KCNAB3: variants seen among roughly 807,000 people sequenced by gnomAD.
KCNAB3 encodes voltage-gated potassium channel subunit beta-3.
KCNAB3 carries 62 observed loss-of-function variants against 67.7 expected under a neutral mutation model. The ratio of observed to expected loss-of-function variants is 0.92; its 90% CI spans 0.75 to 1.13. KCNAB3 has a LOEUF of 1.13. Ranked by LOEUF, KCNAB3 falls within the 50% of genes most tolerant of loss-of-function variation. KCNAB3 has a pLI of 0.00. For missense variants in KCNAB3, 514 were observed against 522.9 expected (o/e 0.98, Z 0.17); for synonymous variants, 212 against 205.4 (o/e 1.03, Z -0.27).
At chr17:7,923,226 T>C (rs1972102083) in intron 13 of KCNAB3, 47 bp from the exon 14 acceptor site, 1 of 1,559,912 alleles carries the variant, frequency 6.4e-7, no homozygotes, top group Admixed American at 1.7e-5. Context: ...GCTGGGTCAC[T>C]GAGAAAGGGC....
Position 7,929,178 on chromosome 17 carries a change from C to G in KCNAB3, c.242+16G>C, listed in dbSNP as rs981011355. The G allele has an allele frequency of 5.0e-6, 8 of 1,610,424 alleles. No individual in the cohort carries two copies. Among genetic ancestry groups the G allele is most frequent in the Non-Finnish European group, 5.9e-6 (7 of 1,179,092 alleles). On this transcript the variant is annotated intron_variant, in intron 1 of 13. Coordinates refer to ENST00000303790, the MANE Select transcript of KCNAB3 (RefSeq NM_004732.4). This position sits in a 1 kb window ranked among gnomAD's most constrained non-coding sequence, Gnocchi z 5.7. The stretch of plus-strand genomic sequence containing the variant: ...AAGGAAAGCGGAAGGGGTGGGCTGC[C>G]CGGCCACCCCCATACCTGTATTTCA...
Position 7,929,832 on chromosome 17 carries a change from G to C in KCNAB3, c.-397C>G. On this transcript the variant is annotated 5_prime_UTR_variant, in exon 1 of 14. Coordinates refer to ENST00000303790, the MANE Select transcript of KCNAB3 (RefSeq NM_004732.4). The surrounding 1 kb of genome is among the most constrained non-coding windows in gnomAD (Gnocchi z 5.7). ...CGCTGCGGGACCCGCTGGGCTCCCA[G>C]CCGCGTCGGCAGCGGGCCCAGCTCA... is the stretch of plus-strand genomic sequence containing the variant. 4.9e-6 allele frequency: 5 copies of C among 1,025,682 alleles called. No individual in the cohort carries two copies. The highest frequency in any genetic ancestry group is 1.1e-4 in the Admixed American group (2 of 17,998). The allele number at this position is 1,025,682 out of a possible 1,614,324, so 63.5% of individuals were successfully genotyped here. A position where few individuals can be genotyped will look rare whatever the true frequency, so the allele number is the denominator to read the frequency against.
At position 7,929,017 on chromosome 17, in the gene KCNAB3, G is replaced by T; in HGVS notation, c.242+177C>A. On this transcript the variant is annotated intron_variant, in intron 1 of 13. Coordinates refer to ENST00000303790, the MANE Select transcript of KCNAB3 (RefSeq NM_004732.4). The surrounding 1 kb of genome is among the most constrained non-coding windows in gnomAD (Gnocchi z 5.7). ...GTAAACTTGATTCTCGTAGTCAGGG[G>T]TATCGACAGAAACCAAGAGAGGGAC... 1 of 988,766 alleles carries T rather than the reference G, an allele frequency of 1.0e-6. No individual in the cohort carries two copies. Among genetic ancestry groups the T allele is most frequent in the Non-Finnish European group, 1.5e-6 (1 of 684,576 alleles). The allele number at this position is 988,766 out of a possible 1,614,324, so 61.2% of individuals were successfully genotyped here.
intron 4 of KCNAB3, among the ~76,000 whole-genome samples, chr17:7,926,856 G>A (rs1972248171): frequency 6.6e-6 from 1 of 152,078 alleles, no homozygotes; most frequent in Non-Finnish European, 1.5e-5. Flanking sequence ...CATAAACCAC[G>A]AATTGCGTGT....
At position 7,925,717 on chromosome 17, in the gene KCNAB3, G is replaced by T; in HGVS notation, c.504C>A (p.Thr168=). Reference sequence around the variant, plus strand: ...TGTGCTTTCGGCTTAAACCTCGCTCGGTTTCTGCCCTGTAGGAAAAGGTAA... The same window carrying T: ...TGTGCTTTCGGCTTAAACCTCGCTCTGTTTCTGCCCTGTAGGAAAAGGTAA... ...TKIFWGGQAE[T]ERGLSRKHII... is the part of the protein sequence containing the mutation. The change falls in exon 7 of 14, where the codon ACC becomes ACA. Residue 168 remains threonine (T), a synonymous_variant. Transcript: ENST00000303790. The T allele has an allele frequency of 1.2e-6, 2 of 1,613,944 alleles. No homozygotes were observed. Among genetic ancestry groups the T allele is most frequent in the Non-Finnish European group, 1.7e-6 (2 of 1,179,994 alleles).
rs772370133 is a variant in KCNAB3 at position 7,926,041 on chromosome 17, C to T, written c.449+18G>A. The T allele has an allele frequency of 1.9e-6, 3 of 1,614,146 alleles. No homozygotes were observed. The East Asian group carries it at 6.7e-5, about 36-fold the overall frequency. On this transcript the variant is annotated intron_variant, in intron 5 of 13. Transcript: ENST00000303790. ...TTTGGGTGATCACATCCCCAGCAAC[C>T]CCCCAAAACAGTCTCACCTCCAACC...
At chr17:7,928,432 T>A (rs1972307352) in intron 1 of KCNAB3, 1 of 163,888 alleles carries the variant, frequency 6.1e-6, no homozygotes, top group African/African-American at 2.4e-5. Context: ...GAAGACTGTC[T>A]CTGAACCAGT....
chr17:7,928,093 G>A (rs1483518976), intron 1 of KCNAB3: 14 of 577,676 alleles, frequency 2.4e-5, no homozygotes, highest in African/African-American at 1.1e-4. Flanking sequence ...CATTGAAGAC[G>A]TGCAGTCTGG....
At chr17:7,926,156 T>C in intron 4 of KCNAB3, 53 bp from the exon 5 acceptor site, 1 of 1,599,370 alleles carries the variant, frequency 6.3e-7, no homozygotes, top group South Asian at 1.1e-5. Context: ...AATCAATTCC[T>C]TCCTCTCCTC....
In KCNAB3 at chr17:7,925,109, A is replaced by G. The variant is rs750463273; in HGVS notation, c.613T>C (p.Cys205Arg). ...IVFANRSDPN[C>R]PMEEIVRAMT... ...GTGCTGCTTTTACCCTCCATAGGAC[A>G]GTTGGGGTCTGAGCGATTGGCAAAG... Residue 205 changes from cysteine (C) to arginine (R), a missense_variant, in exon 8 of 14, where the codon TGT becomes CGT. Cys to Arg is a radical substitution (Grantham distance 180). Coordinates refer to ENST00000303790, the MANE Select transcript of KCNAB3 (RefSeq NM_004732.4). 16 of 1,613,432 alleles carry G rather than the reference A, an allele frequency of 9.9e-6. No homozygotes were observed. The highest frequency in any genetic ancestry group is 5.0e-5 in the Admixed American group (3 of 59,990).
intron 7 of KCNAB3, 182 bp downstream of exon 7, chr17:7,925,501 C>G: frequency 1.5e-6 from 1 of 678,810 alleles, no homozygotes; most frequent in Non-Finnish European, 2.6e-6. Context: ...TACACTCCAG[C>G]CTGGACAACA....
In KCNAB3 at chr17:7,924,279, G is replaced by T. The variant is rs749399173; in HGVS notation, c.712-14C>A. On this transcript the variant is annotated splice_polypyrimidine_tract_variant and intron_variant, in intron 9 of 13. Transcript: ENST00000303790. ...GGAGTAGGCCTCCTGGGTTGGGGTT[G>T]GGGAAAAGAAAGTGGTCAGAGCACT... The T allele has an allele frequency of 5.6e-6, 9 of 1,613,874 alleles. No homozygotes were observed. The highest frequency in any genetic ancestry group is 4.4e-5 in the South Asian group (4 of 91,032).
Position 7,925,740 on chromosome 17 carries a change from T to C in KCNAB3, c.495-14A>G. The C allele has an allele frequency of 6.2e-7, 1 of 1,613,904 alleles. No homozygotes were observed. The highest frequency in any genetic ancestry group is 8.5e-7 in the Non-Finnish European group (1 of 1,179,974). On this transcript the variant is annotated splice_polypyrimidine_tract_variant and intron_variant, in intron 6 of 13. Transcript: ENST00000303790. Reference sequence around the variant, plus strand: ...TCGGTTTCTGCCCTGTAGGAAAAGGTAAGTCAAAGATGAGATGTGACAAAG... The same window carrying C: ...TCGGTTTCTGCCCTGTAGGAAAAGGCAAGTCAAAGATGAGATGTGACAAAG...
intron 1 of KCNAB3, 96 bp from the exon 2 acceptor site, chr17:7,927,922 C>T: frequency 7.0e-7 from 1 of 1,438,550 alleles, no homozygotes; most frequent in Non-Finnish European, 9.8e-7. Context: ...GAGAAGCCCT[C>T]AGGTGTCTCA....
chr17:7,925,901 C>T (rs1972213430), intron 6 of KCNAB3, 30 bp downstream of exon 6: 1 of 1,544,288 alleles, frequency 6.5e-7, no homozygotes, highest in Non-Finnish European at 8.9e-7. Flanking sequence ...TGTAGGCCTT[C>T]TCCACAATCG....
In KCNAB3 at chr17:7,927,350, G is replaced by T. The variant is rs1488931561; in HGVS notation, c.398C>A (p.Ala133Glu). Residue 133 changes from alanine to glutamate, a missense_variant, in exon 4 of 14, where the codon GCA becomes GAA. By Grantham distance (107) the Ala-to-Glu change is moderately radical. Transcript: ENST00000303790. ...NLFDTAEVYA[A>E]GKAERTLGNI... is the part of the protein sequence containing the mutation. ...CTTTCACCCCAGTCCTTACTTTCCT[G>T]CTGCGTACACTTCGGCGGTGTCAAA... 1 of 1,613,616 alleles carries T rather than the reference G, an allele frequency of 6.2e-7. No homozygotes were observed.
chr17:7,923,209 A>T (rs1471858705), intron 13 of KCNAB3, 30 bp from the exon 14 acceptor site: 2 of 1,604,412 alleles, frequency 1.2e-6, no homozygotes, highest in South Asian at 1.1e-5. Flanking sequence ...TGGCGACGGC[A>T]GCCCATGCTG....
Position 7,925,725 on chromosome 17 carries a change from C to T in KCNAB3, c.496G>A (p.Ala166Thr), listed in dbSNP as rs1396905875. The T allele has an allele frequency of 6.2e-7, 1 of 1,613,992 alleles. No homozygotes were observed. The highest frequency in any genetic ancestry group is 8.5e-7 in the Non-Finnish European group (1 of 1,180,018). ...ITTKIFWGGQ[A>T]ETERGLSRKH... ...CGGCTTAAACCTCGCTCGGTTTCTG[C>T]CCTGTAGGAAAAGGTAAGTCAAAGA... The change falls in exon 7 of 14, where the codon GCA becomes ACA. Residue 166 changes from alanine to threonine, a missense_variant and splice_region_variant. By Grantham distance (58) the Ala-to-Thr change is moderately conservative. Transcript: ENST00000303790.
At chr17:7,928,204 G>A (rs1972300021) in intron 1 of KCNAB3, 1 of 350,812 alleles carries the variant, frequency 2.9e-6, no homozygotes, top group Non-Finnish European at 5.3e-6. Context: ...GAGTTTGTGA[G>A]ACCAGGCCCT....
Sources: allele counts gnomAD v4.1 joint callset (sites outside exome capture counted in the v4.1 genomes callset), GRCh38; gene constraint gnomAD v4.1.1; non-coding constraint Gnocchi (gnomAD v3.1); transcripts MANE v1.5; gene names NCBI Gene and HGNC (gene_info 2026-07-23, HGNC 2026-07-21).